Variants in CLDN16 observed in about 807,000 individuals in gnomAD.
The protein encoded by CLDN16 is claudin-16.
A neutral mutation model predicts 24.6 loss-of-function variants in CLDN16; 13 were observed. That is an observed-to-expected ratio of 0.53 (90% confidence interval 0.34 to 0.84). The LOEUF (loss-of-function observed/expected upper bound fraction) is 0.84, where lower values mean the gene tolerates loss of function less well. Among genes scored for constraint, CLDN16 ranks in the 40% least tolerant of loss-of-function variants. The probability of loss-of-function intolerance (pLI) is 0.01; values close to 1 mark genes in which losing one functional copy is unlikely to be tolerated. For synonymous variants in CLDN16, 116 were observed against 106.7 expected (o/e 1.09, Z -0.54); for missense variants, 298 against 292.7 (o/e 1.02, Z -0.13).
chr3:190,322,754 T>C (rs1483407677), intron 1 of CLDN16: 1 of 159,372 alleles, frequency 6.3e-6, no homozygotes, highest in African/African-American at 2.4e-5. Flanking sequence ...GATGAAAAAA[T>C]GATCCTTCAA....
At chr3:190,384,350 A>G (rs556827373), upstream of CLDN16, among the ~76,000 whole-genome samples, 4 of 152,308 alleles carry the variant, frequency 2.6e-5, no homozygotes, top group Admixed American at 2.0e-4. Flanking sequence ...TGTTCTTGAC[A>G]CAAGAGCTTG....
chr3:190,407,742 A>G (rs879454139), intron 3 of CLDN16, among the ~76,000 whole-genome samples: 2 of 152,230 alleles, frequency 1.3e-5, no homozygotes, highest in Non-Finnish European at 1.5e-5. Flanking sequence ...GAAAATAAAA[A>G]CATTTTTTAC....
intron 1 of CLDN16, among the ~76,000 whole-genome samples, chr3:190,333,577 TCTATCAATC>T (rs1249705874): frequency 3.9e-5 from 1 of 25,912 alleles, no homozygotes; most frequent in Non-Finnish European, 7.8e-5. Flanking sequence ...TATCTATCTA[TCTATCAATC>T]ATCTTTCTAT....
At chr3:190,329,572 A>G (rs1717139340) in intron 1 of CLDN16, among the ~76,000 whole-genome samples, 1 of 152,158 alleles carries the variant, frequency 6.6e-6, no homozygotes, top group African/African-American at 2.4e-5. Flanking sequence ...AGCCTGTAAG[A>G]TGCAATTTGG....
At chr3:190,408,038 A>T in intron 3 of CLDN16, among the ~76,000 whole-genome samples, 1 of 152,232 alleles carries the variant, frequency 6.6e-6, no homozygotes, top group East Asian at 1.9e-4. Context: ...AAAGAAAACC[A>T]TAACGATGAA....
intron 3 of CLDN16, among the ~76,000 whole-genome samples, chr3:190,375,894 C>A (rs1222032505): frequency 6.6e-6 from 1 of 151,814 alleles, no homozygotes; most frequent in East Asian, 1.9e-4. Context: ...CAAAAAAACA[C>A]CCTGAGTTGT....
rs375805902 is a variant in CLDN16, at chr3:190,368,868, A to G, written n.122-2025A>G. ...CTAGCCAAACCCTTTTATTGTTTAG[A>G]CTTGCTTGATTTTGATTTTCTGTTG... On this transcript the variant is annotated intron_variant and non_coding_transcript_variant, in intron 1 of 4. Coordinates refer to the CLDN16 transcript ENST00000468220. Among the ~76,000 whole-genome samples, 14 of 151,932 alleles carry G rather than the reference A, an allele frequency of 9.2e-5. No individual in the cohort carries two copies. In the East Asian group the frequency reaches 2.3e-3, roughly 25 times the overall value.
chr3:190,310,320 T>A, the CLDN16 span: 1 of 1,205,832 alleles, frequency 8.3e-7, no homozygotes, highest in Non-Finnish European at 1.2e-6. Flanking sequence ...CACAACCTGT[T>A]AAACCAAAAC....
intron 1 of CLDN16, among the ~76,000 whole-genome samples, chr3:190,394,358 A>G (rs185089476): frequency 6.6e-5 from 10 of 152,308 alleles, no homozygotes; most frequent in African/African-American, 2.2e-4. Flanking sequence ...TGTACTGAGC[A>G]CTAGTATGAT....
chr3:190,308,454 CCATGTG>C, the CLDN16 span: 1 of 1,612,648 alleles, frequency 6.2e-7, no homozygotes, highest in Non-Finnish European at 8.5e-7. Context: ...AAGGAAAAAC[CCATGTG>C]CTTGTTAATC....
At chr3:190,311,716 A>T in the CLDN16 span, among the ~76,000 whole-genome samples, 3 of 151,354 alleles carry the variant, frequency 2.0e-5, no homozygotes, top group Non-Finnish European at 4.4e-5. Context: ...TATGGAGATT[A>T]TCAACATATA....
the CLDN16 span, among the ~76,000 whole-genome samples, chr3:190,297,625 A>ATATATAATATATATCTATAT: frequency 1.8e-5 from 2 of 111,686 alleles, no homozygotes; most frequent in Non-Finnish European, 3.9e-5. Context: ...CTATAATATA[A>ATATATAATATATATCTATAT]TATATAATAT....
chr3:190,402,078 C>T (rs1718976194), intron 1 of CLDN16, among the ~76,000 whole-genome samples: 1 of 152,146 alleles, frequency 6.6e-6, no homozygotes, highest in Non-Finnish European at 1.5e-5. Context: ...CTGGTTTTAT[C>T]TCTTCCAGAC....
chr3:190,387,350 C>A (rs576718442), upstream of CLDN16, among the ~76,000 whole-genome samples: 127 of 123,208 alleles, frequency 1.0e-3, 2 homozygotes, highest in South Asian at 0.017. Context: ...ACACTTTCTT[C>A]CTAATATAAC....
the CLDN16 span, among the ~76,000 whole-genome samples, chr3:190,301,460 T>C: frequency 0.58 from 87,597 of 151,340 alleles, 26,058 homozygotes; most frequent in African/African-American, 0.71. Flanking sequence ...GCACACTGCA[T>C]TCCAGCCTGG....
the CLDN16 span, chr3:190,307,127 T>C: frequency 6.6e-6 from 1 of 152,656 alleles, no homozygotes; most frequent in Admixed American, 6.5e-5. Flanking sequence ...AGTATCATTA[T>C]CTCAATTTGG....
the CLDN16 span, among the ~76,000 whole-genome samples, chr3:190,298,375 A>ACACACACACACACACACACC: frequency 4.7e-5 from 7 of 149,324 alleles, no homozygotes; most frequent in Non-Finnish European, 8.9e-5. Flanking sequence ...ACACACACAC[A>ACACACACACACACACACACC]CCTTAACAAT....
the CLDN16 span, among the ~76,000 whole-genome samples, chr3:190,298,406 C>A: frequency 2.7e-5 from 4 of 146,604 alleles, no homozygotes; most frequent in East Asian, 8.1e-4. Context: ...GTTTTGCTAG[C>A]TACGAGTTAA....
upstream of CLDN16, chr3:190,322,106 G>A (rs759722267): frequency 1.2e-6 from 2 of 1,614,226 alleles, no homozygotes; most frequent in Non-Finnish European, 1.7e-6. Flanking sequence ...GCCGGCATAG[G>A]AGTAAATCCT....
Sources: allele counts gnomAD v4.1 joint callset (sites outside exome capture counted in the v4.1 genomes callset), GRCh38; gene constraint gnomAD v4.1.1; transcripts MANE v1.5; gene names NCBI Gene and HGNC (gene_info 2026-07-23, HGNC 2026-07-21).